The following CEP112 variants were observed in gnomAD, a reference collection of about 807,000 sequenced individuals.
CEP112 encodes centrosomal protein 112.
In CEP112, 127 loss-of-function variants were observed where a neutral mutation model predicts 153.0. That is an observed-to-expected ratio of 0.83 (90% confidence interval 0.72 to 0.96). The LOEUF is 0.96. Among genes scored for constraint, CEP112 ranks in the 40% least tolerant of loss-of-function variants. The pLI, the probability that CEP112 is intolerant of heterozygous loss-of-function variation, is 0.00. For missense variants in CEP112, 1,089 were observed against 1,101.2 expected (o/e 0.99, Z 0.16); for synonymous variants, 358 against 374.4 (o/e 0.96, Z 0.51).
intron 21 of CEP112, among the ~76,000 whole-genome samples, chr17:65,843,996 A>G (rs2057623449): frequency 6.6e-6 from 1 of 152,336 alleles, no homozygotes; most frequent in East Asian, 1.9e-4. Flanking sequence ...CATTCTAAAT[A>G]TAAAAGGAGT....
Position 66,071,475 on chromosome 17 carries a change from C to T in CEP112, c.769-1474G>A, listed in dbSNP as rs73351814. ...AGGTCTAAGAGACATGATTCATTGC[C>T]AGATCTTCCCATAACACCTTCTAGA... On this transcript the variant is annotated intron_variant, in intron 8 of 26. Coordinates refer to ENST00000535342, the MANE Select transcript of CEP112 (RefSeq NM_001199165.4). 7.5e-3 allele frequency among the ~76,000 whole-genome samples: 1,148 copies of T among 152,142 alleles called. 17 individuals are homozygous for T. The highest frequency in any genetic ancestry group is 0.026 in the African/African-American group (1,092 of 41,508).
At chr17:65,660,175 T>TAC (rs2046269981) in intron 24 of CEP112, among the ~76,000 whole-genome samples, 1 of 84,578 alleles carries the variant, frequency 1.2e-5, no homozygotes, top group African/African-American at 6.6e-5. Flanking sequence ...ATACCTTGAT[T>TAC]TCTCCTTCCT....
rs867033591 is a variant in CEP112 at position 66,159,180 on chromosome 17, A to G, written c.470+15864T>C. On this transcript the variant is annotated intron_variant, in intron 4 of 26. Transcript: ENST00000535342. Reference sequence around the variant, plus strand: ...AGTCAAAACCCTGAATAGACCAATAACAAGTTCTGAAATTGAGGCAGTAAT... The same window carrying G: ...AGTCAAAACCCTGAATAGACCAATAGCAAGTTCTGAAATTGAGGCAGTAAT... Among the ~76,000 whole-genome samples the G allele has an allele frequency of 5.9e-5, 9 of 152,312 alleles. No individual in the cohort carries two copies. The South Asian group carries it at 1.9e-3, about 32-fold the overall frequency.
chr17:65,803,101 A>G (rs1362782), intron 21 of CEP112, among the ~76,000 whole-genome samples: 148,337 of 152,350 alleles, frequency 0.97, 72,265 homozygotes, highest in East Asian at 1. Flanking sequence ...GCTGTCATGT[A>G]GACAGACTAC....
rs142969672 is a variant in CEP112 at position 66,121,380 on chromosome 17, C to T, written c.642+8366G>A. 5.9e-5 allele frequency among the ~76,000 whole-genome samples: 9 copies of T among 152,210 alleles called. No homozygotes were observed. In the East Asian group the frequency reaches 1.2e-3, roughly 20 times the overall value. ...TGAAGTGCATTGAGCTTTTTGGATG[C>T]GCAAATTGATGTTTCTCATCAAACT... On this transcript the variant is annotated intron_variant, in intron 6 of 26. Coordinates refer to ENST00000535342, the MANE Select transcript of CEP112 (RefSeq NM_001199165.4).
chr17:65,934,492 A>C (rs1392358773), intron 18 of CEP112, among the ~76,000 whole-genome samples: 2 of 152,212 alleles, frequency 1.3e-5, no homozygotes, highest in Non-Finnish European at 2.9e-5. Context: ...AGAATCTACA[A>C]AACAACCAGA....
chr17:65,762,847 G>A (rs1416986209), intron 21 of CEP112, among the ~76,000 whole-genome samples: 4 of 151,914 alleles, frequency 2.6e-5, no homozygotes, highest in Non-Finnish European at 5.9e-5. Context: ...ATAAACTGCT[G>A]TTAGGTCAAT....
chr17:66,142,501 T>G (rs1396700302), intron 4 of CEP112, among the ~76,000 whole-genome samples: 1 of 152,202 alleles, frequency 6.6e-6, no homozygotes, highest in East Asian at 1.9e-4. Flanking sequence ...TTTAAGTCTT[T>G]AACGCATTTC....
chr17:66,109,909 C>T (rs1447074583), intron 6 of CEP112, among the ~76,000 whole-genome samples: 1 of 152,134 alleles, frequency 6.6e-6, no homozygotes, highest in Non-Finnish European at 1.5e-5. Flanking sequence ...GCCTGTAATC[C>T]CAGCACTTTG....
intron 12 of CEP112, among the ~76,000 whole-genome samples, chr17:66,046,795 C>A (rs1374028057): frequency 1.1e-5 from 1 of 87,010 alleles, no homozygotes; most frequent in African/African-American, 4.4e-5. Flanking sequence ...CAGAAATACA[C>A]AATGAAAATG....
intron 17 of CEP112, among the ~76,000 whole-genome samples, chr17:65,986,393 A>G (rs1194303069): frequency 6.6e-6 from 1 of 152,160 alleles, no homozygotes; most frequent in Admixed American, 6.6e-5. Flanking sequence ...CCCTCAAGTC[A>G]AAGATTCTGT....
chr17:65,818,480 T>C (rs2056381181), intron 21 of CEP112, among the ~76,000 whole-genome samples: 1 of 151,854 alleles, frequency 6.6e-6, no homozygotes, highest in African/African-American at 2.4e-5. Context: ...TTCCTCAGGA[T>C]TCAGTTCCAG....
intron 20 of CEP112, among the ~76,000 whole-genome samples, chr17:65,864,911 CAAGTGTGT>C (rs1879091022): frequency 7.7e-6 from 1 of 130,026 alleles, no homozygotes; most frequent in Non-Finnish European, 1.6e-5. Context: ...TAGGGGTAAG[CAAGTGTGT>C]GTGTGTGTGT....
intron 21 of CEP112, among the ~76,000 whole-genome samples, chr17:65,783,886 G>A (rs1269882415): frequency 1.3e-5 from 2 of 152,226 alleles, no homozygotes. Flanking sequence ...GTGGTAAGCA[G>A]TAAAGCATGT....
intron 4 of CEP112, among the ~76,000 whole-genome samples, chr17:66,151,197 T>C (rs2071196577): frequency 6.6e-6 from 1 of 152,214 alleles, no homozygotes; most frequent in South Asian, 2.1e-4. Context: ...ATGTAATTAT[T>C]TATGGTTCTA....
intron 8 of CEP112, among the ~76,000 whole-genome samples, chr17:66,095,701 T>C (rs907829402): frequency 6.6e-6 from 1 of 152,180 alleles, no homozygotes; most frequent in African/African-American, 2.4e-5. Flanking sequence ...GTCTGTGAGG[T>C]GATTCATATA....
At chr17:66,090,624 C>T (rs773968409) in intron 8 of CEP112, among the ~76,000 whole-genome samples, 25 of 152,020 alleles carry the variant, frequency 1.6e-4, no homozygotes, top group Middle Eastern at 3.4e-3. Flanking sequence ...GATAACAAGA[C>T]GGAAAGGAAC....
At chr17:65,826,468 A>C in intron 21 of CEP112, 1 of 1,482,566 alleles carries the variant, frequency 6.7e-7, no homozygotes, top group Non-Finnish European at 8.9e-7. Context: ...CCCCACCACA[A>C]TCTCTTAGGT....
rs60840947 is a variant in CEP112, at chr17:65,649,078, AC to A, written c.2698-8014del. On this transcript the variant is annotated intron_variant, in intron 24 of 26. Transcript: ENST00000535342. ...AACAAACAAACAAACAAACAAACAC[AC>A]ACACACACACACACACACACACACA... 4.9e-3 allele frequency among the ~76,000 whole-genome samples: 706 copies of A among 144,558 alleles called. 9 individuals are homozygous for A. The highest frequency in any genetic ancestry group is 0.017 in the African/African-American group (665 of 38,806). The allele number at this position is 144,558 out of a possible 152,430, so 94.8% of individuals were successfully genotyped here.
Sources: allele counts gnomAD v4.1 joint callset (sites outside exome capture counted in the v4.1 genomes callset), GRCh38; gene constraint gnomAD v4.1.1; transcripts MANE v1.5; gene names NCBI Gene and HGNC (gene_info 2026-07-23, HGNC 2026-07-21).